The following ELL variants were observed in gnomAD, a reference collection of about 807,000 sequenced individuals.
The protein encoded by ELL is elongation factor for RNA polymerase II.
A neutral mutation model predicts 64.0 loss-of-function variants in ELL; 18 were observed. The ratio of observed to expected loss-of-function variants is 0.28; its 90% CI spans 0.19 to 0.42. ELL has a LOEUF of 0.42. Ranked by LOEUF, ELL falls within the 10% of genes least tolerant of loss-of-function variation. The pLI is 1.00. For synonymous variants in ELL, 399 were observed against 376.2 expected (o/e 1.06, Z -0.70); for missense variants, 797 against 870.4 (o/e 0.92, Z 1.06).
At chr19:18,487,363 C>A (rs141091001) in intron 1 of ELL, among the ~76,000 whole-genome samples, 2 of 152,232 alleles carry the variant, frequency 1.3e-5, no homozygotes, top group African/African-American at 4.8e-5. Flanking sequence ...AGGCCCCAGT[C>A]TTCCTTCGTG....
Position 18,512,908 on chromosome 19 carries a change from G to A in ELL, c.135+9013C>T, listed in dbSNP as rs573961930. ...GTTCTCAGCATCCTTCAAGAGAGACGCCTCTTTGTGAAAACATTTTCACCA... is the reference window on the plus strand; with the variant it reads ...GTTCTCAGCATCCTTCAAGAGAGACACCTCTTTGTGAAAACATTTTCACCA... On this transcript the variant is annotated intron_variant, in intron 1 of 11. Transcript: ENST00000262809. Among the ~76,000 whole-genome samples, 11 of 152,110 alleles carry A rather than the reference G, an allele frequency of 7.2e-5. No homozygotes were observed. The East Asian group carries it at 1.2e-3, about 16-fold the overall frequency.
chr19:18,471,608 C>T (rs1975066530), intron 2 of ELL, among the ~76,000 whole-genome samples: 1 of 151,876 alleles, frequency 6.6e-6, no homozygotes, highest in South Asian at 2.1e-4. Context: ...GCCGAAGTTG[C>T]AGTGAGCCAA....
rs1011997022 is a variant in ELL, at chr19:18,445,306, T to A, written c.1705-38A>T. 2.0e-6 allele frequency: 3 copies of A among 1,511,660 alleles called. No individual in the cohort carries two copies. In the African/African-American group the frequency reaches 4.2e-5, roughly 21 times the overall value. The allele number at this position is 1,511,660 out of a possible 1,614,324, so 93.6% of individuals were successfully genotyped here. On this transcript the variant is annotated intron_variant, in intron 10 of 11. Transcript: ENST00000262809. ...CAAAATTTTGAGAAAACAGAATGTG[T>A]CCCCGCCTACAGGAAACCCAAATTG... is the stretch of plus-strand genomic sequence containing the variant.
At chr19:18,488,971 C>T (rs912475337) in intron 1 of ELL, among the ~76,000 whole-genome samples, 1 of 152,226 alleles carries the variant, frequency 6.6e-6, no homozygotes, top group South Asian at 2.1e-4. Context: ...GCTGTGCAGG[C>T]GCGGGTCCCT....
chr19:18,461,890 C>T (rs764465822), intron 4 of ELL, 38 bp from the exon 5 acceptor site: 14 of 1,587,162 alleles, frequency 8.8e-6, no homozygotes, highest in East Asian at 2.2e-5. Context: ...ACAGAGAGGG[C>T]GCTGCCGTGT....
chr19:18,496,820 C>A (rs1274686416), intron 1 of ELL, among the ~76,000 whole-genome samples: 1 of 152,188 alleles, frequency 6.6e-6, no homozygotes, highest in African/African-American at 2.4e-5. Flanking sequence ...TATAAAAAAT[C>A]CAGAAGGAAA....
Position 18,446,473 on chromosome 19 carries a change from C to G in ELL, c.1540G>C (p.Ala514Pro). Residue 514 changes from alanine to proline, a missense_variant, in exon 10 of 12, where the codon GCA (alanine) becomes CCA (proline). Physicochemically the swap from Ala to Pro is conservative, Grantham distance 27. Coordinates refer to ENST00000262809, the MANE Select transcript of ELL (RefSeq NM_006532.4). ...SETPDYLLKY[A>P]AISSSEQRQS... ...CGCTGCTCCGAAGAGGAGATGGCTG[C>G]GTACTTCCTGAAACAGGAGAGAGGG... 1.2e-6 allele frequency: 2 copies of G among 1,611,744 alleles called. No homozygotes were observed. The highest frequency in any genetic ancestry group is 1.1e-5 in the South Asian group (1 of 90,796).
chr19:18,490,398 G>C (rs772042894), intron 1 of ELL, among the ~76,000 whole-genome samples: 2 of 152,140 alleles, frequency 1.3e-5, no homozygotes, highest in Non-Finnish European at 2.9e-5. Context: ...GACACTTCAA[G>C]CCACCGTCTG....
rs1974478126 is a variant in ELL, at chr19:18,449,460, AC to A, written c.1465+1016del. Among the ~76,000 whole-genome samples, 1 of 152,020 alleles carries A rather than the reference AC, an allele frequency of 6.6e-6. No homozygotes were observed. The highest frequency in any genetic ancestry group is 2.4e-5 in the African/African-American group (1 of 41,356). Reference sequence around the variant, plus strand: ...CCCAGCACGAGGCAGGGCTGACCCAACCCCGAAAGTCTTCCTTCCTATCCAG... The same window carrying A: ...CCCAGCACGAGGCAGGGCTGACCCAACCCGAAAGTCTTCCTTCCTATCCAG... On this transcript the variant is annotated intron_variant, in intron 8 of 11. Transcript: ENST00000262809. This position sits in a 1 kb window ranked among gnomAD's most constrained non-coding sequence, Gnocchi z 4.4.
At chr19:18,473,780 AC>A (rs1015275593) in intron 1 of ELL, among the ~76,000 whole-genome samples, 8 of 152,052 alleles carry the variant, frequency 5.3e-5, no homozygotes, top group African/African-American at 1.9e-4. Context: ...CTGGCTGATC[AC>A]CATGATTCTT....
intron 1 of ELL, among the ~76,000 whole-genome samples, chr19:18,514,748 G>T (rs1976094976): frequency 6.6e-6 from 1 of 152,160 alleles, no homozygotes; most frequent in Non-Finnish European, 1.5e-5. Context: ...ACAACGGGGA[G>T]CAAGACCCTA....
chr19:18,462,240 T>G (rs1378819580), intron 4 of ELL, among the ~76,000 whole-genome samples: 3 of 139,662 alleles, frequency 2.1e-5, no homozygotes, highest in Admixed American at 7.2e-5. Flanking sequence ...ACCTGATCAC[T>G]CTGGTGGGCA....
rs1974430160 is a variant in ELL, at chr19:18,446,958, C to T, written c.1466-144G>A. ...GATAGCAGAGGGGATGACTGTGTGG[C>T]AGGTGCAAGGGCTGAGCCCCTCGCA... On this transcript the variant is annotated intron_variant, in intron 8 of 11. Transcript: ENST00000262809. 3.2e-6 allele frequency: 3 copies of T among 933,780 alleles called. No homozygotes were observed. In the Admixed American group the frequency reaches 6.3e-5, roughly 20 times the overall value. 57.8% of individuals were successfully genotyped at this position (933,780 alleles called of 1,614,324 possible). A position where few individuals can be genotyped will look rare whatever the true frequency, so the allele number is the denominator to read the frequency against.
intron 1 of ELL, among the ~76,000 whole-genome samples, chr19:18,473,603 AAAAT>A (rs1250445208): frequency 6.6e-6 from 1 of 152,226 alleles, no homozygotes; most frequent in African/African-American, 2.4e-5. Flanking sequence ...AAAAGAGCTC[AAAAT>A]AAATACTGAC....
At chr19:18,480,634 TTTTC>T (rs1019925722) in intron 1 of ELL, among the ~76,000 whole-genome samples, 17 of 152,184 alleles carry the variant, frequency 1.1e-4, no homozygotes, top group South Asian at 2.1e-4. Flanking sequence ...CAAGTATTTT[TTTTC>T]TTTCTTTCTT....
At chr19:18,484,232 G>C (rs979941506) in intron 1 of ELL, among the ~76,000 whole-genome samples, 3 of 152,214 alleles carry the variant, frequency 2.0e-5, no homozygotes, top group Non-Finnish European at 4.4e-5. Flanking sequence ...GGGAAGCCGA[G>C]GTGGGTGGAT....
chr19:18,488,499 T>A (rs1254606835), intron 1 of ELL, among the ~76,000 whole-genome samples: 1 of 152,160 alleles, frequency 6.6e-6, no homozygotes, highest in African/African-American at 2.4e-5. Flanking sequence ...CAGGAGGCCC[T>A]GGGGCTCAGG....
At chr19:18,481,742 C>T (rs1446929115) in intron 1 of ELL, among the ~76,000 whole-genome samples, 1 of 152,190 alleles carries the variant, frequency 6.6e-6, no homozygotes, top group Non-Finnish European at 1.5e-5. Context: ...GCCACCTTCC[C>T]GTGCATCCAT....
chr19:18,461,995 G>C, intron 4 of ELL, 143 bp from the exon 5 acceptor site: 1 of 1,132,698 alleles, frequency 8.8e-7, no homozygotes, highest in Non-Finnish European at 1.2e-6. Context: ...AAGCCAGCTT[G>C]CTCCTTGGGG....
Sources: gnomAD v4.1 joint callset for allele counts (sites outside exome capture counted in the v4.1 genomes callset) on GRCh38, gnomAD v4.1.1 for gene constraint, Gnocchi (gnomAD v3.1) non-coding constraint, MANE v1.5 for transcripts, NCBI Gene and HGNC (gene_info 2026-07-23, HGNC 2026-07-21) for gene names.